Variants in AHCY observed in about 807,000 individuals in gnomAD.
AHCY encodes the protein adenosylhomocysteinase.
AHCY carries 24 observed loss-of-function variants against 45.4 expected under a neutral mutation model. The observed-to-expected ratio is 0.53, with a 90% CI of 0.38 to 0.74. AHCY has a LOEUF of 0.74. AHCY is among the 30% of genes least tolerant of loss of function. The probability of loss-of-function intolerance (pLI) is 0.00; values close to 1 mark genes in which losing one functional copy is unlikely to be tolerated. For synonymous variants in AHCY, 245 were observed against 235.1 expected (o/e 1.04, Z -0.39); for missense variants, 449 against 594.1 (o/e 0.76, Z 2.54).
At chr20:34,276,061 TC>T (rs1338762306), downstream of AHCY, among the ~76,000 whole-genome samples, 2 of 152,068 alleles carry the variant, frequency 1.3e-5, no homozygotes, top group Non-Finnish European at 2.9e-5. Flanking sequence ...TCACATTCCT[TC>T]CAATCCTGGC....
chr20:34,297,558 A>G (rs1234533325), intron 1 of AHCY, among the ~76,000 whole-genome samples: 2 of 152,104 alleles, frequency 1.3e-5, no homozygotes, highest in Non-Finnish European at 2.9e-5. Flanking sequence ...AGCCTCCCAA[A>G]GTGCTGGGAT....
the AHCY span, among the ~76,000 whole-genome samples, chr20:34,239,065 G>A: frequency 2.6e-5 from 4 of 152,086 alleles, no homozygotes; most frequent in South Asian, 8.3e-4. Context: ...AATAATTTAA[G>A]CCCCCAAAGA....
intron 1 of AHCY, among the ~76,000 whole-genome samples, chr20:34,311,050 C>T (rs2036942654): frequency 6.6e-6 from 1 of 151,496 alleles, no homozygotes; most frequent in Non-Finnish European, 1.5e-5. Flanking sequence ...CGCTTGAGCC[C>T]GGTAGGTTGC....
chr20:34,250,112 G>T, the AHCY span: 1 of 152,206 alleles, frequency 6.6e-6, no homozygotes, highest in Non-Finnish European at 1.5e-5. Flanking sequence ...GAACCCCCAG[G>T]TCTCTGGCCA....
upstream of AHCY, among the ~76,000 whole-genome samples, chr20:34,303,855 G>C (rs2036860430): frequency 6.6e-6 from 1 of 152,186 alleles, no homozygotes; most frequent in Non-Finnish European, 1.5e-5. Flanking sequence ...AATTAGCCGG[G>C]CGTGGTGGCG....
chr20:34,263,698 C>T, the AHCY span, among the ~76,000 whole-genome samples: 5 of 134,580 alleles, frequency 3.7e-5, no homozygotes, highest in East Asian at 2.2e-4. Context: ...ATGGAGTTTT[C>T]GCTCTCGTTG....
At chr20:34,289,741 G>C (rs1205356) in intron 8 of AHCY, among the ~76,000 whole-genome samples, 114,362 of 151,724 alleles carry the variant, frequency 0.75, 46,009 homozygotes, top group Non-Finnish European at 0.89. Flanking sequence ...ACCTCCCAAA[G>C]TGCTGGGATT....
At chr20:34,301,893 G>A (rs1002564074) in intron 1 of AHCY, 33 of 985,254 alleles carry the variant, frequency 3.3e-5, no homozygotes, top group Non-Finnish European at 3.9e-5. Flanking sequence ...ACGGGATTAC[G>A]TCCACCTCTA....
At chr20:34,237,364 G>A in the AHCY span, among the ~76,000 whole-genome samples, 1 of 152,032 alleles carries the variant, frequency 6.6e-6, no homozygotes, top group East Asian at 1.9e-4. Flanking sequence ...TTCTATAGTT[G>A]TCATTGTACA....
At chr20:34,256,904 C>A in the AHCY span, among the ~76,000 whole-genome samples, 32 of 152,070 alleles carry the variant, frequency 2.1e-4, no homozygotes, top group Non-Finnish European at 3.5e-4. Context: ...CCTCAGCCAC[C>A]CGAGTAGCTG....
chr20:34,243,235 C>T, the AHCY span, among the ~76,000 whole-genome samples: 7 of 152,104 alleles, frequency 4.6e-5, no homozygotes, highest in African/African-American at 1.7e-4. Flanking sequence ...AACTCAGGAC[C>T]CCTCAGGCAG....
chr20:34,252,655 G>T, the AHCY span, among the ~76,000 whole-genome samples: 32 of 152,200 alleles, frequency 2.1e-4, no homozygotes, highest in African/African-American at 7.5e-4. Context: ...CTGCAAAGAG[G>T]CCTCCCTCTT....
chr20:34,258,779 GTA>G, the AHCY span, among the ~76,000 whole-genome samples: 9,394 of 79,986 alleles, frequency 0.12, 710 homozygotes, highest in East Asian at 0.19. Flanking sequence ...AATATATATA[GTA>G]TATATATAGT....
At chr20:34,306,367 C>T (rs1443474222), upstream of AHCY, among the ~76,000 whole-genome samples, 3 of 85,978 alleles carry the variant, frequency 3.5e-5, no homozygotes, top group Non-Finnish European at 7.2e-5. Flanking sequence ...ATTATTTCAG[C>T]TTCTTTTTTT....
chr20:34,280,879 G>T lies in AHCY; in HGVS notation c.*155C>A. 1.7e-6 allele frequency: 2 copies of T among 1,152,682 alleles called. No individual in the cohort carries two copies. Among genetic ancestry groups the T allele is most frequent in the Non-Finnish European group, 2.5e-6 (2 of 804,604 alleles). The allele number at this position is 1,152,682 out of a possible 1,614,324, so 71.4% of individuals were successfully genotyped here. A position where few individuals can be genotyped will look rare whatever the true frequency, so the allele number is the denominator to read the frequency against. On this transcript the variant is annotated 3_prime_UTR_variant, in exon 10 of 10. Coordinates refer to ENST00000217426, the MANE Select transcript of AHCY (RefSeq NM_000687.4). ...CTGCCACATTTGGAACAGTATGACG[G>T]CTGCAGCAGAGGCCAAAAACTAAGT...
At chr20:34,256,838 T>A in the AHCY span, among the ~76,000 whole-genome samples, 1 of 152,084 alleles carries the variant, frequency 6.6e-6, no homozygotes, top group East Asian at 1.9e-4. Context: ...AACAGTGCAG[T>A]GGTACAATCA....
At chr20:34,235,875 AAGG>A in the AHCY span, among the ~76,000 whole-genome samples, 7 of 82,642 alleles carry the variant, frequency 8.5e-5, no homozygotes, top group Non-Finnish European at 1.4e-4. Context: ...GAAAGGAAGG[AAGG>A]AAGGAAGGAA....
chr20:34,292,467 C>A lies in AHCY; in HGVS notation c.336G>T (p.Trp112Cys). The A allele has an allele frequency of 1.2e-6, 2 of 1,614,136 alleles. No homozygotes were observed. The highest frequency in any genetic ancestry group is 1.7e-6 in the Non-Finnish European group (2 of 1,180,044). ...TGAAGTACAGGGTCTGCTCAATGCACCACAGGTACTCCTCGTCCGTTTCGC... is the reference window on the plus strand; with the variant it reads ...TGAAGTACAGGGTCTGCTCAATGCAACACAGGTACTCCTCGTCCGTTTCGC... ...WKGETDEEYLWCIEQTLYFKD... is the reference protein window; with the variant it reads ...WKGETDEEYLCCIEQTLYFKD... Residue 112 changes from tryptophan (W) to cysteine (C), a missense_variant, in exon 4 of 10, where the codon TGG becomes TGT. Coordinates refer to ENST00000217426, the MANE Select transcript of AHCY (RefSeq NM_000687.4).
At chr20:34,285,290 T>G in intron 9 of AHCY, 150 bp downstream of exon 9, 1 of 814,556 alleles carries the variant, frequency 1.2e-6, no homozygotes, top group Non-Finnish European at 2.0e-6. Flanking sequence ...CTTCTGTCAA[T>G]GGGGAGAATG....
Sources: allele counts gnomAD v4.1 joint callset (sites outside exome capture counted in the v4.1 genomes callset), GRCh38; gene constraint gnomAD v4.1.1; transcripts MANE v1.5; gene names NCBI Gene and HGNC (gene_info 2026-07-23, HGNC 2026-07-21).